Variants in UBE2R2 observed in about 807,000 individuals in gnomAD.
The protein encoded by UBE2R2 is ubiquitin-conjugating enzyme E2 R2.
Under a neutral mutation model 27.8 loss-of-function variants are expected in UBE2R2, and 1 was observed. The observed-to-expected ratio is 0.04, with a 90% CI of 0.01 to 0.17. The LOEUF is 0.17. Ranked by LOEUF, UBE2R2 falls within the 10% of genes least tolerant of loss-of-function variation. UBE2R2 has a pLI of 1.00. For missense variants in UBE2R2, 100 were observed against 291.0 expected, an observed-to-expected ratio of 0.34 and a Z score of 4.78; for synonymous variants, 106 against 113.3, an observed-to-expected ratio of 0.94 and a Z score of 0.41.
At position 33,819,916 on chromosome 9, in the gene UBE2R2, C is replaced by T. The variant is rs531812902; in HGVS notation, c.177+1982C>T. Reference sequence around the variant, plus strand: ...CCTCCCAAAGTGCTGGGATTACAGGCGTGAGCCACTGCGCCCGGCCATGAT... The same window carrying T: ...CCTCCCAAAGTGCTGGGATTACAGGTGTGAGCCACTGCGCCCGGCCATGAT... On this transcript the variant is annotated intron_variant, in intron 1 of 4. Transcript: ENST00000263228. Among the ~76,000 whole-genome samples, 406 of 152,350 alleles carry T rather than the reference C, an allele frequency of 2.7e-3. 1 individual carries two copies. Among genetic ancestry groups the T allele is most frequent in the Admixed American group, 4.1e-3 (63 of 15,300 alleles).
intron 1 of UBE2R2, among the ~76,000 whole-genome samples, chr9:33,863,148 A>G (rs919990281): frequency 2.8e-5 from 4 of 143,024 alleles, no homozygotes; most frequent in Non-Finnish European, 6.1e-5. Context: ...AAATCGTGCC[A>G]CTGCACTCCT....
At chr9:33,819,470 A>G (rs1359276999) in intron 1 of UBE2R2, among the ~76,000 whole-genome samples, 1 of 152,190 alleles carries the variant, frequency 6.6e-6, no homozygotes, top group African/African-American at 2.4e-5. Flanking sequence ...AGCCTACCCT[A>G]TACTTTTCAG....
intron 3 of UBE2R2, 22 bp downstream of exon 3, chr9:33,900,293 G>C: frequency 6.4e-7 from 1 of 1,567,648 alleles, no homozygotes; most frequent in Non-Finnish European, 8.8e-7. Flanking sequence ...TCTGGTTTTG[G>C]AGTTATTCTT....
chr9:33,857,506 G>C (rs1264561385), intron 1 of UBE2R2, among the ~76,000 whole-genome samples: 1 of 150,862 alleles, frequency 6.6e-6, no homozygotes, highest in African/African-American at 2.4e-5. Context: ...TTAGTTGATG[G>C]GGTTTCACCA....
rs763409507 is a variant in UBE2R2 at position 33,917,239 on chromosome 9, G to A, written c.*2G>A. 29 of 1,613,834 alleles carry A rather than the reference G, an allele frequency of 1.8e-5. No individual in the cohort carries two copies. The highest frequency in any genetic ancestry group is 5.3e-5 in the African/African-American group (4 of 74,932). Reference sequence around the variant, plus strand: ...GATTCTGGGAATGAGGAGTCGTGACGTGCTCCTTCAGTGCCCCTGTACTGC... The same window carrying A: ...GATTCTGGGAATGAGGAGTCGTGACATGCTCCTTCAGTGCCCCTGTACTGC... On this transcript the variant is annotated 3_prime_UTR_variant, in exon 5 of 5. Coordinates refer to ENST00000263228, the MANE Select transcript of UBE2R2 (RefSeq NM_017811.4).
intron 1 of UBE2R2, among the ~76,000 whole-genome samples, chr9:33,828,361 A>G (rs1199519116): frequency 6.6e-6 from 1 of 151,652 alleles, no homozygotes; most frequent in Non-Finnish European, 1.5e-5. Context: ...ACTGTTTTAA[A>G]ATTTTGATGA....
intron 1 of UBE2R2, among the ~76,000 whole-genome samples, chr9:33,857,399 A>G (rs1821131514): frequency 1.3e-5 from 2 of 151,832 alleles, no homozygotes. Flanking sequence ...GCTCACTACA[A>G]CCTCCACCTC....
chr9:33,838,697 A>C (rs1820668089), intron 1 of UBE2R2, among the ~76,000 whole-genome samples: 1 of 152,134 alleles, frequency 6.6e-6, no homozygotes, highest in Non-Finnish European at 1.5e-5. Context: ...AGAACCGTAC[A>C]TTTAGCTCTT....
rs938318909 is a variant in UBE2R2, at chr9:33,920,068, A to G, written c.*2831A>G. ...GCTGGTTTCCTTACGTTTGGGGCACATGTTGTAAGAAACTGATTGGAAGGG... is the reference window on the plus strand; with the variant it reads ...GCTGGTTTCCTTACGTTTGGGGCACGTGTTGTAAGAAACTGATTGGAAGGG... On this transcript the variant is annotated 3_prime_UTR_variant, in exon 5 of 5. Transcript: ENST00000263228. 1.3e-5 allele frequency: 2 copies of G among 152,570 alleles called. No homozygotes were observed. The highest frequency in any genetic ancestry group is 2.9e-5 in the Non-Finnish European group (2 of 68,040). The allele number at this position is 152,570 out of a possible 1,614,324, so 9.5% of individuals were successfully genotyped here.
In UBE2R2 at chr9:33,840,387, C is replaced by A. The variant is rs1262394075; in HGVS notation, c.177+22453C>A. 2.6e-5 allele frequency among the ~76,000 whole-genome samples: 4 copies of A among 152,206 alleles called. No individual in the cohort carries two copies. In the South Asian group the frequency reaches 8.3e-4, roughly 32 times the overall value. On this transcript the variant is annotated intron_variant, in intron 1 of 4. Coordinates refer to ENST00000263228, the MANE Select transcript of UBE2R2 (RefSeq NM_017811.4). ...TATATTTTATTTAGTGTTATGATGT[C>A]TTTTAAACCACAGTTTATGCCTCTA...
intron 2 of UBE2R2, among the ~76,000 whole-genome samples, chr9:33,890,134 C>CTT (rs143321626): frequency 6.6e-6 from 1 of 151,922 alleles, no homozygotes; most frequent in Non-Finnish European, 1.5e-5. Context: ...CCCCTTTCCA[C>CTT]TTTTTTTTCA....
intron 3 of UBE2R2, among the ~76,000 whole-genome samples, chr9:33,906,543 A>C (rs1451569073): frequency 6.6e-6 from 1 of 152,098 alleles, no homozygotes; most frequent in African/African-American, 2.4e-5. Flanking sequence ...ATCCTTCAAA[A>C]TTATGAACTT....
intron 1 of UBE2R2, among the ~76,000 whole-genome samples, chr9:33,833,250 A>G (rs1484931174): frequency 1.3e-5 from 2 of 152,090 alleles, no homozygotes; most frequent in African/African-American, 4.8e-5. Context: ...TATTTTTAGT[A>G]CAGACGGGGT....
At chr9:33,820,944 A>T (rs551113989) in intron 1 of UBE2R2, among the ~76,000 whole-genome samples, 11 of 152,188 alleles carry the variant, frequency 7.2e-5, no homozygotes, top group African/African-American at 2.6e-4. Flanking sequence ...AATCCACGTG[A>T]TTCTTAGTTT....
At chr9:33,828,394 CT>C (rs200771475) in intron 1 of UBE2R2, among the ~76,000 whole-genome samples, 273 of 135,310 alleles carry the variant, frequency 2.0e-3, no homozygotes, top group Admixed American at 2.2e-3. Context: ...TCTCTTAAAA[CT>C]TTTTTTTTTT....
At chr9:33,827,016 C>T (rs953083144) in intron 1 of UBE2R2, among the ~76,000 whole-genome samples, 6 of 152,120 alleles carry the variant, frequency 3.9e-5, no homozygotes, top group Non-Finnish European at 7.4e-5. Flanking sequence ...CCAGGCCAAT[C>T]GCTTGAACCC....
chr9:33,891,047 G>GTTTTTTTTTTTTTT (rs1554676109), intron 2 of UBE2R2, among the ~76,000 whole-genome samples: 1 of 126,374 alleles, frequency 7.9e-6, no homozygotes, highest in African/African-American at 2.9e-5. Flanking sequence ...TTGTTGTTGT[G>GTTTTTTTTTTTTTT]TTTTTTTGTT....
chr9:33,859,698 A>G (rs1821179848), intron 1 of UBE2R2, among the ~76,000 whole-genome samples: 1 of 150,546 alleles, frequency 6.6e-6, no homozygotes, highest in African/African-American at 2.5e-5. Context: ...AGAAAATATG[A>G]TTTGGTTATT....
intron 4 of UBE2R2, among the ~76,000 whole-genome samples, chr9:33,916,446 C>T (rs544832118): frequency 9.9e-5 from 15 of 152,244 alleles, no homozygotes; most frequent in African/African-American, 3.6e-4. Flanking sequence ...ATTGTTGGGG[C>T]ACTTGAGTTT....
Sources: gnomAD v4.1 joint callset for allele counts (sites outside exome capture counted in the v4.1 genomes callset) on GRCh38, gnomAD v4.1.1 for gene constraint, MANE v1.5 for transcripts, NCBI Gene and HGNC (gene_info 2026-07-23, HGNC 2026-07-21) for gene names.